B3GALT1: variants seen among roughly 807,000 people sequenced by gnomAD.
B3GALT1 encodes UDP-Gal:betaGlcNAc beta 1,3-galactosyltransferase, polypeptide 1.
In B3GALT1, 10 loss-of-function variants were observed where a neutral mutation model predicts 23.2. The ratio of observed to expected loss-of-function variants is 0.43; its 90% confidence interval spans 0.27 to 0.73. B3GALT1 has a LOEUF of 0.73. Ranked by LOEUF, B3GALT1 falls within the 30% of genes least tolerant of loss-of-function variation. B3GALT1 has a pLI of 0.21. For synonymous variants in B3GALT1, 156 were observed against 141.5 expected, an observed-to-expected ratio of 1.10 and a Z score of -0.73; for missense variants, 299 against 405.4, an observed-to-expected ratio of 0.74 and a Z score of 2.25.
chr2:167,763,833 A>G (rs1377874165), intron 3 of B3GALT1, among the ~76,000 whole-genome samples: 1 of 152,158 alleles, frequency 6.6e-6, no homozygotes, highest in African/African-American at 2.4e-5. Context: ...ACATAGTCTA[A>G]GAGCATCAAA....
intron 2 of B3GALT1, among the ~76,000 whole-genome samples, chr2:167,598,653 T>C (rs1375243238): frequency 6.6e-6 from 1 of 152,182 alleles, no homozygotes; most frequent in African/African-American, 2.4e-5. Context: ...TAACACATTC[T>C]CACGTGGCGT....
At chr2:167,463,514 C>T (rs940817301) in intron 1 of B3GALT1, among the ~76,000 whole-genome samples, 9 of 152,226 alleles carry the variant, frequency 5.9e-5, no homozygotes, top group African/African-American at 1.9e-4. Flanking sequence ...ATCCTGTGAT[C>T]GCATGGGTTA....
At chr2:167,533,365 C>T (rs1362961618) in intron 2 of B3GALT1, among the ~76,000 whole-genome samples, 2 of 151,632 alleles carry the variant, frequency 1.3e-5, no homozygotes, top group Non-Finnish European at 2.9e-5. Context: ...AAGTGAGTAT[C>T]GACACATCAA....
intron 1 of B3GALT1, among the ~76,000 whole-genome samples, chr2:167,368,031 C>A (rs1334845696): frequency 6.6e-6 from 1 of 152,208 alleles, no homozygotes; most frequent in Non-Finnish European, 1.5e-5. Flanking sequence ...AATGCTCCTT[C>A]CTTTAGCAGC....
chr2:167,385,263 CTT>C (rs1574057939), intron 1 of B3GALT1, among the ~76,000 whole-genome samples: 1 of 152,254 alleles, frequency 6.6e-6, no homozygotes, highest in East Asian at 1.9e-4. Flanking sequence ...TTCCAACTCT[CTT>C]TTAACATTCT....
chr2:167,549,129 A>G (rs1683702085), intron 2 of B3GALT1, among the ~76,000 whole-genome samples: 1 of 152,182 alleles, frequency 6.6e-6, no homozygotes, highest in Non-Finnish European at 1.5e-5. Context: ...AAACCTCTCA[A>G]AAAATATTTA....
intron 3 of B3GALT1, among the ~76,000 whole-genome samples, chr2:167,723,527 CT>C (rs77413935): frequency 0.17 from 24,419 of 144,946 alleles, 2,082 homozygotes; most frequent in East Asian, 0.41. Flanking sequence ...TCTTTCTTTC[CT>C]TTTTTTTTTT....
intron 1 of B3GALT1, among the ~76,000 whole-genome samples, chr2:167,303,634 AACACACACATACACACACACACAC>A (rs1251782919): frequency 9.4e-6 from 1 of 106,460 alleles, no homozygotes; most frequent in African/African-American, 3.4e-5. Context: ...TGCTCTTGGA[AACACACACATACACACACACACAC>A]ACACACACAC....
intron 3 of B3GALT1, among the ~76,000 whole-genome samples, chr2:167,691,605 T>G (rs1203777760): frequency 6.6e-6 from 1 of 152,186 alleles, no homozygotes; most frequent in Non-Finnish European, 1.5e-5. Flanking sequence ...TTTTGTCTGC[T>G]TTGTTCTCTG....
intron 1 of B3GALT1, among the ~76,000 whole-genome samples, chr2:167,430,830 A>G (rs1347222869): frequency 6.6e-6 from 1 of 152,218 alleles, no homozygotes; most frequent in East Asian, 1.9e-4. Flanking sequence ...AAGTGATGGC[A>G]TACCCCCAAA....
At chr2:167,644,312 C>CA (rs1232491084) in intron 2 of B3GALT1, among the ~76,000 whole-genome samples, 2 of 151,616 alleles carry the variant, frequency 1.3e-5, no homozygotes, top group Admixed American at 6.6e-5. Flanking sequence ...AGAAAACAAA[C>CA]AAAAAAACCT....
intron 1 of B3GALT1, among the ~76,000 whole-genome samples, chr2:167,394,626 A>C (rs953682952): frequency 3.3e-5 from 5 of 152,004 alleles, no homozygotes; most frequent in Non-Finnish European, 7.4e-5. Context: ...AAAAAGCATT[A>C]TTTTCCATAT....
At chr2:167,837,761 G>T (rs1689517322) in intron 4 of B3GALT1, among the ~76,000 whole-genome samples, 2 of 148,010 alleles carry the variant, frequency 1.4e-5, no homozygotes, top group Admixed American at 6.7e-5. Context: ...TTCCAAAATT[G>T]ACCACATAGT....
At chr2:167,603,541 G>A (rs1192907793) in intron 2 of B3GALT1, among the ~76,000 whole-genome samples, 1 of 152,204 alleles carries the variant, frequency 6.6e-6, no homozygotes, top group Non-Finnish European at 1.5e-5. Context: ...GTAAAGATGA[G>A]GGGAACCTCA....
chr2:167,405,563 A>C (rs1698262388), intron 1 of B3GALT1, among the ~76,000 whole-genome samples: 1 of 152,116 alleles, frequency 6.6e-6, no homozygotes, highest in African/African-American at 2.4e-5. Flanking sequence ...TTTATGTTAA[A>C]GAAAATAAGA....
intron 4 of B3GALT1, among the ~76,000 whole-genome samples, chr2:167,840,448 G>A (rs927950731): frequency 9.9e-5 from 15 of 152,018 alleles, no homozygotes; most frequent in Admixed American, 3.3e-4. Context: ...CTGGCCATCA[G>A]AGAAATGCAA....
At chr2:167,560,678 T>A (rs1453159403) in intron 2 of B3GALT1, among the ~76,000 whole-genome samples, 1 of 151,486 alleles carries the variant, frequency 6.6e-6, no homozygotes, top group Non-Finnish European at 1.5e-5. Context: ...AAAACAGACT[T>A]TAAACCAACA....
chr2:167,540,602 G>C (rs1332284192), intron 2 of B3GALT1, among the ~76,000 whole-genome samples: 1 of 152,092 alleles, frequency 6.6e-6, no homozygotes, highest in African/African-American at 2.4e-5. Flanking sequence ...TTCTATCTTA[G>C]AGATTCCAGT....
At chr2:167,620,913 A>T (rs912264638) in intron 2 of B3GALT1, among the ~76,000 whole-genome samples, 6 of 151,916 alleles carry the variant, frequency 3.9e-5, no homozygotes, top group Admixed American at 6.6e-5. Flanking sequence ...ATAAATGCAA[A>T]TTTTTTAACC....
Sources: allele counts gnomAD v4.1 joint callset (sites outside exome capture counted in the v4.1 genomes callset), GRCh38; gene constraint gnomAD v4.1.1; transcripts MANE v1.5; gene names NCBI Gene and HGNC (gene_info 2026-07-23, HGNC 2026-07-21).